LAMC3: variants seen among roughly 807,000 people sequenced by gnomAD.
LAMC3 encodes laminin subunit gamma 3, also known as laminin subunit gamma-3.
In LAMC3, 128 loss-of-function variants were observed where a neutral mutation model predicts 173.8. The observed-to-expected ratio is 0.74, with a 90% CI of 0.64 to 0.85. The LOEUF (loss-of-function observed/expected upper bound fraction) is 0.85. Ranked by LOEUF, LAMC3 falls within the 40% of genes least tolerant of loss-of-function variation. The probability of loss-of-function intolerance (pLI) is 0.00; values close to 1 mark genes in which losing one functional copy is unlikely to be tolerated. For missense variants in LAMC3, 2,022 were observed against 2,156.0 expected, an observed-to-expected ratio of 0.94 and a Z score of 1.23; for synonymous variants, 897 against 909.1, an observed-to-expected ratio of 0.99 and a Z score of 0.24.
At chr9:131,028,641 A>G (rs1833771876) in intron 2 of LAMC3, among the ~76,000 whole-genome samples, 1 of 152,148 alleles carries the variant, frequency 6.6e-6, no homozygotes, top group South Asian at 2.1e-4. Flanking sequence ...TTGCAATGAA[A>G]GGCTACCGGC....
chr9:131,057,141 A>C lies in LAMC3; in HGVS notation c.2152A>C (p.Asn718His). 1.9e-6 allele frequency: 3 copies of C among 1,612,732 alleles called. No individual in the cohort carries two copies. Among genetic ancestry groups the C allele is most frequent in the Non-Finnish European group, 2.5e-6 (3 of 1,178,888 alleles). The change falls in exon 12 of 28, where the codon AAC becomes CAC. Residue 718 changes from asparagine to histidine, a missense_variant. Transcript: ENST00000361069. ...TCNQHGTCDP[N>H]TGICVCSHHT... ...TAACCAGCATGGCACCTGTGACCCCAACACAGGTGAGTCTCCTGGCACCCC... is the reference window on the plus strand; with the variant it reads ...TAACCAGCATGGCACCTGTGACCCCCACACAGGTGAGTCTCCTGGCACCCC...
intron 24 of LAMC3, among the ~76,000 whole-genome samples, chr9:131,084,638 C>T (rs66586917): frequency 0.48 from 72,908 of 151,884 alleles, 18,550 homozygotes; most frequent in African/African-American, 0.66. Flanking sequence ...GGCTCACACC[C>T]GTAATCCCAG....
intron 4 of LAMC3, among the ~76,000 whole-genome samples, chr9:131,037,431 C>CCTGCCT (rs1162345231): frequency 6.6e-6 from 1 of 152,166 alleles, no homozygotes; most frequent in Non-Finnish European, 1.5e-5. Flanking sequence ...TGGGCCTGGC[C>CCTGCCT]CTGCCTCCTC....
In LAMC3 at chr9:131,060,931, C is replaced by T. The variant is rs968346846; in HGVS notation, c.2159-104C>T. On this transcript the variant is annotated intron_variant, in intron 12 of 27. Coordinates refer to ENST00000361069, the MANE Select transcript of LAMC3 (RefSeq NM_006059.4). ...GCTGCCTCTGCCTGGGAAAGGTCCC[C>T]ACCCCACTTCTGCCCGGGATGTGCT... The T allele has an allele frequency of 6.3e-5, 75 of 1,191,406 alleles. No individual in the cohort carries two copies. In the African/African-American group the frequency reaches 1.1e-3, roughly 17 times the overall value. 73.8% of individuals were successfully genotyped at this position (1,191,406 alleles called of 1,614,324 possible).
chr9:131,071,386 A>G, intron 17 of LAMC3, 98 bp from the exon 18 acceptor site: 8 of 1,409,336 alleles, frequency 5.7e-6, no homozygotes, highest in South Asian at 1.2e-5. Context: ...GGAGAAGGGA[A>G]CCCCCAGGGA....
intron 12 of LAMC3, among the ~76,000 whole-genome samples, chr9:131,057,396 C>T (rs1156620318): frequency 6.6e-6 from 1 of 152,260 alleles, no homozygotes; most frequent in East Asian, 1.9e-4. Flanking sequence ...AGGTGATAAC[C>T]ATAAGCCAGC....
intron 20 of LAMC3, among the ~76,000 whole-genome samples, chr9:131,074,301 C>T (rs1475439202): frequency 1.3e-5 from 2 of 152,160 alleles, no homozygotes; most frequent in Non-Finnish European, 2.9e-5. Context: ...GTGCTTCACT[C>T]CTCTTACAGT....
rs376158532 is a variant in LAMC3 at position 131,072,690 on chromosome 9, G to A, written c.3272G>A (p.Arg1091Gln). The part of the protein sequence containing the change: ...MSLEGAVKAA[R>Q]EQLQRLNKGA... ...CTCGAGGGTGCTGTCAAGGCCGCCC[G>A]GGAGCAGCTGCAGAGGCTGAACAAG... Residue 1091 changes from arginine to glutamine, a missense_variant, in exon 19 of 28, where the codon CGG becomes CAG. Arg to Gln is a conservative substitution (Grantham distance 43). Coordinates refer to ENST00000361069, the MANE Select transcript of LAMC3 (RefSeq NM_006059.4). 61 of 1,611,906 alleles carry A rather than the reference G, an allele frequency of 3.8e-5. No homozygotes were observed. The highest frequency in any genetic ancestry group is 4.1e-4 in the Middle Eastern group (2 of 4,926).
Position 131,041,677 on chromosome 9 carries a change from G to C in LAMC3, c.1324G>C (p.Asp442His). 2.5e-6 allele frequency: 4 copies of C among 1,614,110 alleles called. No homozygotes were observed. The highest frequency in any genetic ancestry group is 3.4e-6 in the Non-Finnish European group (4 of 1,180,034). The change falls in exon 7 of 28, where the codon GAC (aspartate) becomes CAC (histidine). Residue 442 changes from aspartate (D) to histidine (H), a missense_variant. Transcript: ENST00000361069. ...CNPAGSLDTC[D>H]PRSGRCPCKE... ...TCCCGCTGGCAGCCTGGACACCTGT[G>C]ACCCCCGCAGTGGGCGCTGCCCCTG...
chr9:131,084,525 A>T (rs1315924921), intron 24 of LAMC3, among the ~76,000 whole-genome samples: 2 of 152,162 alleles, frequency 1.3e-5, no homozygotes, highest in South Asian at 2.1e-4. Flanking sequence ...TTAGAATTTT[A>T]TCTGAAAGGA....
chr9:131,073,162 T>C, intron 19 of LAMC3, 83 bp from the exon 20 acceptor site: 1 of 1,052,452 alleles, frequency 9.5e-7, no homozygotes, highest in Non-Finnish European at 1.5e-6. Flanking sequence ...GCCATCCAGT[T>C]CTGCCTCACA....
At chr9:131,019,119 A>G (rs924098691) in intron 1 of LAMC3, among the ~76,000 whole-genome samples, 1 of 152,188 alleles carries the variant, frequency 6.6e-6, no homozygotes, top group South Asian at 2.1e-4. Context: ...AAAATTAGCC[A>G]GGCTTGGTGG....
chr9:131,039,102 T>C, intron 5 of LAMC3, 29 bp from the exon 6 acceptor site: 1 of 1,611,720 alleles, frequency 6.2e-7, no homozygotes. Context: ...TTTCCTGGCC[T>C]CAATTGCCCT....
chr9:131,076,976 A>G (rs1231048794), intron 21 of LAMC3, among the ~76,000 whole-genome samples: 1 of 152,246 alleles, frequency 6.6e-6, no homozygotes, highest in African/African-American at 2.4e-5. Flanking sequence ...TGCAGAAACA[A>G]GAATGTGGCC....
At chr9:131,049,564 A>G (rs1245857456) in intron 9 of LAMC3, among the ~76,000 whole-genome samples, 31 of 152,224 alleles carry the variant, frequency 2.0e-4, no homozygotes, top group Non-Finnish European at 1.5e-5. Flanking sequence ...CCCCTGCCAC[A>G]GAACACACCA....
chr9:131,043,755 T>C (rs1429409148), intron 7 of LAMC3, among the ~76,000 whole-genome samples: 1 of 152,212 alleles, frequency 6.6e-6, no homozygotes, highest in East Asian at 1.9e-4. Context: ...ACAGTGGTAA[T>C]TGCTACAGGC....
intron 4 of LAMC3, 104 bp downstream of exon 4, chr9:131,036,436 CCCCGGGGGCAG>C: frequency 7.8e-7 from 1 of 1,286,090 alleles, no homozygotes; most frequent in South Asian, 1.2e-5. Context: ...CCTGGGTACG[CCCCGGGGGCAG>C]CTCGGGGTCT....
chr9:131,032,649 ACTCACTCTCTCTCACTCTCT>A (rs199588560), intron 3 of LAMC3, among the ~76,000 whole-genome samples: 1 of 109,796 alleles, frequency 9.1e-6, no homozygotes, highest in Non-Finnish European at 2.0e-5. Flanking sequence ...TCTCGCTCTC[ACTCACTCTCTCTCACTCTCT>A]CTCGCTCTCT....
At position 131,032,071 on chromosome 9, in the gene LAMC3, C is replaced by T. The variant is rs761655482; in HGVS notation, c.705C>T (p.Leu235=). 4 of 1,614,008 alleles carry T rather than the reference C, an allele frequency of 2.5e-6. No individual in the cohort carries two copies. Among genetic ancestry groups the T allele is most frequent in the Admixed American group, 1.7e-5 (1 of 59,986 alleles). ...LQEWVTSTEL[L]ISLDRLNTFG... is the part of the protein sequence containing the mutation. ...AGTGGGTCACCAGCACCGAACTCCT[C>T]ATCTCTCTAGACCGGCTCAACACGT... The change falls in exon 3 of 28, where the codon CTC becomes CTT. Residue 235 remains leucine (L), a synonymous_variant. Transcript: ENST00000361069.
Sources: allele counts gnomAD v4.1 joint callset (sites outside exome capture counted in the v4.1 genomes callset), GRCh38; gene constraint gnomAD v4.1.1; transcripts MANE v1.5; gene names NCBI Gene and HGNC (gene_info 2026-07-23, HGNC 2026-07-21).